The following SEMA6D variants were observed in gnomAD, a reference collection of about 807,000 sequenced individuals.
SEMA6D encodes the protein semaphorin 6D, also known as semaphorin-6D.
A neutral mutation model predicts 106.6 loss-of-function variants in SEMA6D; 35 were observed. The observed-to-expected ratio is 0.33, with a 90% CI of 0.25 to 0.44. The LOEUF is 0.44. Ranked by LOEUF, SEMA6D falls within the 20% of genes least tolerant of loss-of-function variation. SEMA6D has a pLI of 1.00. For synonymous variants in SEMA6D, 499 were observed against 487.7 expected (o/e 1.02, Z -0.31); for missense variants, 1,185 against 1,345.9 (o/e 0.88, Z 1.87).
intron 3 of SEMA6D, among the ~76,000 whole-genome samples, chr15:47,540,268 T>G (rs1425219961): frequency 6.6e-6 from 1 of 152,176 alleles, no homozygotes; most frequent in African/African-American, 2.4e-5. Context: ...GAGATTTGCC[T>G]GTAGCTTAGA....
chr15:47,523,328 G>A (rs1255765662), intron 3 of SEMA6D, among the ~76,000 whole-genome samples: 1 of 152,128 alleles, frequency 6.6e-6, no homozygotes, highest in African/African-American at 2.4e-5. Context: ...AGCACAAGGA[G>A]AGGATTTCCC....
intron 3 of SEMA6D, among the ~76,000 whole-genome samples, chr15:47,504,749 A>G (rs1362014171): frequency 6.6e-6 from 1 of 152,084 alleles, no homozygotes; most frequent in African/African-American, 2.4e-5. Flanking sequence ...GTGAGCATGC[A>G]AGTGTGTCTT....
intron 3 of SEMA6D, among the ~76,000 whole-genome samples, chr15:47,566,707 G>A (rs999526910): frequency 2.6e-5 from 4 of 152,278 alleles, no homozygotes; most frequent in African/African-American, 9.6e-5. Context: ...GTCCCCAACC[G>A]GAGTTCCACA....
At position 47,746,982 on chromosome 15, in the gene SEMA6D, G is replaced by GTATATA. The variant is rs1208849790; in HGVS notation, c.-54-12762_-54-12761insATATAT. Among the ~76,000 whole-genome samples the GTATATA allele has an allele frequency of 1.4e-3, 124 of 89,862 alleles. 1 individual carries two copies. The highest frequency in any genetic ancestry group is 2.7e-3 in the African/African-American group (59 of 22,008). 59.0% of individuals were successfully genotyped at this position (89,862 alleles called of 152,430 possible). On this transcript the variant is annotated intron_variant, in intron 1 of 18. Coordinates refer to ENST00000536845, the MANE Select transcript of SEMA6D (RefSeq NM_001358351.3). ...CAACAGTCTCCTGCTGTGTGTGTGT[G>GTATATA]TGTATATATATATATATATATTTCG...
intron 1 of SEMA6D, among the ~76,000 whole-genome samples, chr15:47,194,455 G>A (rs560937472): frequency 6.6e-6 from 1 of 152,188 alleles, no homozygotes; most frequent in Admixed American, 6.5e-5. Flanking sequence ...TTGCGTGTGG[G>A]GGCTAGGGAG....
intron 3 of SEMA6D, among the ~76,000 whole-genome samples, chr15:47,487,835 T>G (rs1055491421): frequency 6.6e-6 from 1 of 152,246 alleles, no homozygotes; most frequent in Non-Finnish European, 1.5e-5. Flanking sequence ...GTGTTGCTTA[T>G]GAAGGTTCTT....
rs768019202 is a variant in SEMA6D, at chr15:47,660,508, G to C, written c.-55+59612G>C. On this transcript the variant is annotated intron_variant, in intron 4 of 19. Coordinates refer to the SEMA6D transcript ENST00000558014. Reference sequence around the variant, plus strand: ...GGATGTGGACAAACACGTAGACCCAGGCGGATGCAAAGGCTTGTATGGGAT... The same window carrying C: ...GGATGTGGACAAACACGTAGACCCACGCGGATGCAAAGGCTTGTATGGGAT... Among the ~76,000 whole-genome samples, 79 of 152,250 alleles carry C rather than the reference G, an allele frequency of 5.2e-4. 1 individual carries two copies. Among genetic ancestry groups the C allele is most frequent in the Admixed American group, 2.1e-3 (32 of 15,286 alleles).
rs1383383200 is a variant in SEMA6D at position 47,242,191 on chromosome 15, A to G, written c.-239+57773A>G. Among the ~76,000 whole-genome samples, 4 of 152,252 alleles carry G rather than the reference A, an allele frequency of 2.6e-5. No individual in the cohort carries two copies. In the East Asian group the frequency reaches 7.7e-4, roughly 29 times the overall value. On this transcript the variant is annotated intron_variant, in intron 1 of 19. Transcript: ENST00000558014. ...GGCTATATCAGATTAGGTACTTCAT[A>G]TTTACAAGGGATTACTATTAGTTGG...
chr15:47,650,063 G>C (rs115027784), intron 4 of SEMA6D, among the ~76,000 whole-genome samples: 1 of 152,138 alleles, frequency 6.6e-6, no homozygotes, highest in Non-Finnish European at 1.5e-5. Context: ...TATACTGAGC[G>C]CCTGGATGTG....
intron 4 of SEMA6D, among the ~76,000 whole-genome samples, chr15:47,624,429 A>G (rs143295226): frequency 3.3e-4 from 50 of 152,334 alleles, no homozygotes; most frequent in African/African-American, 1.2e-3. Flanking sequence ...GTCATTTTTT[A>G]TTACCTCTGT....
At chr15:47,671,918 A>G (rs568349964) in intron 4 of SEMA6D, among the ~76,000 whole-genome samples, 10 of 152,308 alleles carry the variant, frequency 6.6e-5, no homozygotes, top group African/African-American at 1.9e-4. Flanking sequence ...TAAAAATAAC[A>G]AATACTACTA....
At chr15:47,344,424 G>C (rs1220150972) in intron 1 of SEMA6D, among the ~76,000 whole-genome samples, 1 of 152,192 alleles carries the variant, frequency 6.6e-6, no homozygotes, top group East Asian at 1.9e-4. Flanking sequence ...GTGAAGGACA[G>C]TGATTCCTGA....
intron 4 of SEMA6D, among the ~76,000 whole-genome samples, chr15:47,656,459 G>T (rs2077796776): frequency 6.6e-6 from 1 of 152,168 alleles, no homozygotes; most frequent in African/African-American, 2.4e-5. Context: ...TGGTTTCTGT[G>T]CCCTTCTAAT....
chr15:47,585,438 A>G (rs1448595691), intron 3 of SEMA6D, among the ~76,000 whole-genome samples: 1 of 152,164 alleles, frequency 6.6e-6, no homozygotes, highest in Non-Finnish European at 1.5e-5. Flanking sequence ...TCATGTCCCA[A>G]ATTCTCTCTG....
intron 2 of SEMA6D, among the ~76,000 whole-genome samples, chr15:47,417,443 CAGAGAG>C (rs150136426): frequency 7.7e-6 from 1 of 129,532 alleles, no homozygotes. Flanking sequence ...GTGTGTGTGT[CAGAGAG>C]AGAGAGAGAG....
intron 1 of SEMA6D, among the ~76,000 whole-genome samples, chr15:47,365,431 A>G (rs1567028952): frequency 6.6e-6 from 1 of 152,130 alleles, no homozygotes; most frequent in African/African-American, 2.4e-5. Context: ...GGTGATTAGA[A>G]GGGCTGTGAA....
At chr15:47,227,443 TTTC>T (rs2031782896) in intron 1 of SEMA6D, among the ~76,000 whole-genome samples, 2 of 135,440 alleles carry the variant, frequency 1.5e-5, no homozygotes, top group African/African-American at 5.9e-5. Flanking sequence ...CTTTCTTTTC[TTTC>T]TTTTCTTTCT....
At chr15:47,231,481 A>G (rs771062549) in intron 1 of SEMA6D, among the ~76,000 whole-genome samples, 1 of 151,922 alleles carries the variant, frequency 6.6e-6, no homozygotes, top group Admixed American at 6.6e-5. Context: ...CATTACCTTC[A>G]CTAAAATCCA....
intron 1 of SEMA6D, among the ~76,000 whole-genome samples, chr15:47,231,125 C>T (rs2032163937): frequency 6.6e-6 from 1 of 151,844 alleles, no homozygotes. Context: ...TCCTTGTTCC[C>T]TTCCTCCTCT....
Sources: allele counts gnomAD v4.1 joint callset (sites outside exome capture counted in the v4.1 genomes callset), GRCh38; gene constraint gnomAD v4.1.1; transcripts MANE v1.5; gene names NCBI Gene and HGNC (gene_info 2026-07-23, HGNC 2026-07-21).